ZNF503: variants seen among roughly 807,000 people sequenced by gnomAD.
The protein encoded by ZNF503 is zinc finger protein 503.
In ZNF503, 15 loss-of-function variants were observed where a neutral mutation model predicts 34.4. The observed-to-expected ratio is 0.44, with a 90% CI of 0.29 to 0.67. The LOEUF is 0.67. Among genes scored for constraint, ZNF503 ranks in the 30% least tolerant of loss-of-function variants. The pLI, the probability that ZNF503 is intolerant of heterozygous loss-of-function variation, is 0.13. For missense variants in ZNF503, 1,007 were observed against 926.8 expected (o/e 1.09, Z -1.12); for synonymous variants, 580 against 456.8 (o/e 1.27, Z -3.44).
At chr10:75,291,525 T>C in the ZNF503 span, among the ~76,000 whole-genome samples, 4 of 152,124 alleles carry the variant, frequency 2.6e-5, no homozygotes, top group Non-Finnish European at 5.9e-5. Context: ...GGGGGAGGAT[T>C]GCTTGAGCCC....
the ZNF503 span, among the ~76,000 whole-genome samples, chr10:75,332,849 A>G: frequency 7.0e-6 from 1 of 143,016 alleles, no homozygotes; most frequent in Non-Finnish European, 1.5e-5. Context: ...GTGCAGAACA[A>G]AATGAAAAGT....
the ZNF503 span, among the ~76,000 whole-genome samples, chr10:75,360,114 C>CTTT: frequency 1.9e-3 from 207 of 108,374 alleles, 1 homozygote; most frequent in African/African-American, 3.8e-3. Flanking sequence ...CCAAAGGTTT[C>CTTT]TTTTTTTTTT....
chr10:75,314,284 A>ACAG, the ZNF503 span, among the ~76,000 whole-genome samples: 1 of 151,640 alleles, frequency 6.6e-6, no homozygotes, highest in East Asian at 1.9e-4. Flanking sequence ...GCAAGAGAAC[A>ACAG]CAGACAACTC....
At chr10:75,338,397 T>C in the ZNF503 span, 1 of 152,260 alleles carries the variant, frequency 6.6e-6, no homozygotes, top group African/African-American at 2.4e-5. Flanking sequence ...ACTTAAACTT[T>C]ACAAGTCTCA....
chr10:75,367,232 T>G, the ZNF503 span, among the ~76,000 whole-genome samples: 1 of 151,574 alleles, frequency 6.6e-6, no homozygotes, highest in Non-Finnish European at 1.5e-5. Context: ...ACCCAGAAAA[T>G]CTTGTAGCCT....
the ZNF503 span, among the ~76,000 whole-genome samples, chr10:75,325,397 C>G: frequency 1.3e-5 from 2 of 151,512 alleles, no homozygotes; most frequent in Non-Finnish European, 2.9e-5. Context: ...ACAATCAGCT[C>G]ACTCATTGCA....
the ZNF503 span, among the ~76,000 whole-genome samples, chr10:75,314,224 G>A: frequency 4.3e-4 from 55 of 128,540 alleles, no homozygotes; most frequent in Non-Finnish European, 7.4e-4. Flanking sequence ...GCAACAGAGC[G>A]AGACTCCGTC....
chr10:75,349,951 A>G, the ZNF503 span, among the ~76,000 whole-genome samples: 3 of 152,202 alleles, frequency 2.0e-5, no homozygotes, highest in Non-Finnish European at 2.9e-5. Context: ...CTGAATCTGC[A>G]CCTCAGTTGG....
chr10:75,397,358 G>A (rs1200542623), downstream of ZNF503, among the ~76,000 whole-genome samples: 2 of 152,166 alleles, frequency 1.3e-5, no homozygotes, highest in Non-Finnish European at 2.9e-5. Flanking sequence ...GGTTCCCCCA[G>A]CGCCCCTCCG....
the ZNF503 span, among the ~76,000 whole-genome samples, chr10:75,347,083 G>C: frequency 6.6e-6 from 1 of 152,174 alleles, no homozygotes; most frequent in Non-Finnish European, 1.5e-5. Flanking sequence ...CTGCCTCGGA[G>C]AGTTGTTGTG....
chr10:75,313,207 G>A, the ZNF503 span, among the ~76,000 whole-genome samples: 1 of 152,170 alleles, frequency 6.6e-6, no homozygotes, highest in Non-Finnish European at 1.5e-5. Context: ...TGGCAAAATA[G>A]GGGTTTTTTT....
the ZNF503 span, among the ~76,000 whole-genome samples, chr10:75,353,892 C>T: frequency 4.6e-5 from 7 of 152,222 alleles, no homozygotes; most frequent in Non-Finnish European, 8.8e-5. Context: ...GAGTGGAACA[C>T]GCATGACCAC....
At chr10:75,352,455 C>T in the ZNF503 span, among the ~76,000 whole-genome samples, 2 of 151,956 alleles carry the variant, frequency 1.3e-5, no homozygotes, top group Non-Finnish European at 2.9e-5. Context: ...GATTTGATAT[C>T]AATTCTCAGG....
chr10:75,337,533 G>T, the ZNF503 span, among the ~76,000 whole-genome samples: 6 of 151,554 alleles, frequency 4.0e-5, no homozygotes, highest in African/African-American at 1.5e-4. Context: ...CAGGAGAATC[G>T]CTTGAACCCA....
At chr10:75,318,668 CAAAA>C in the ZNF503 span, among the ~76,000 whole-genome samples, 8 of 117,338 alleles carry the variant, frequency 6.8e-5, no homozygotes, top group Middle Eastern at 4.0e-3. Flanking sequence ...GATCCTGTCT[CAAAA>C]AAAAAAAAAA....
At chr10:75,315,253 A>G in the ZNF503 span, among the ~76,000 whole-genome samples, 2 of 152,124 alleles carry the variant, frequency 1.3e-5, no homozygotes, top group Non-Finnish European at 2.9e-5. Context: ...CCAGCTACTC[A>G]GGAGGCTGAA....
chr10:75,310,326 T>C, the ZNF503 span, among the ~76,000 whole-genome samples: 1 of 152,220 alleles, frequency 6.6e-6, no homozygotes, highest in African/African-American at 2.4e-5. Context: ...GTTTGTCTTA[T>C]ATATCCCAGG....
At chr10:75,388,508 C>A in the ZNF503 span, among the ~76,000 whole-genome samples, 4 of 152,188 alleles carry the variant, frequency 2.6e-5, no homozygotes, top group Non-Finnish European at 5.9e-5. Flanking sequence ...AAATAAAGGT[C>A]ACTATGCAGT....
chr10:75,301,472 C>A, the ZNF503 span, among the ~76,000 whole-genome samples: 1 of 152,092 alleles, frequency 6.6e-6, no homozygotes, highest in East Asian at 1.9e-4. Context: ...GACTCCTGAG[C>A]TCAGGCAATC....
Sources: gnomAD v4.1 joint callset for allele counts (sites outside exome capture counted in the v4.1 genomes callset) on GRCh38, gnomAD v4.1.1 for gene constraint, MANE v1.5 for transcripts, NCBI Gene and HGNC (gene_info 2026-07-23, HGNC 2026-07-21) for gene names.